L3MBTL4: variants seen among roughly 807,000 people sequenced by gnomAD.
L3MBTL4 encodes the protein L3MBTL histone methyl-lysine binding protein 4, also known as lethal(3)malignant brain tumor-like protein 4.
In L3MBTL4, 70 loss-of-function variants were observed where a neutral mutation model predicts 84.5. The ratio of observed to expected loss-of-function variants is 0.83; its 90% CI spans 0.68 to 1.01. L3MBTL4 has a LOEUF of 1.01. Ranked by LOEUF, L3MBTL4 falls within the 50% of genes least tolerant of loss-of-function variation. L3MBTL4 has a pLI of 0.00. For synonymous variants in L3MBTL4, 274 were observed against 259.8 expected (o/e 1.05, Z -0.52); for missense variants, 715 against 754.8 (o/e 0.95, Z 0.62).
At chr18:5,979,025 C>G (rs1019645298) in intron 16 of L3MBTL4, among the ~76,000 whole-genome samples, 1 of 152,166 alleles carries the variant, frequency 6.6e-6, no homozygotes, top group Non-Finnish European at 1.5e-5. Flanking sequence ...GGCACAGCAC[C>G]TGGTACACAG....
At chr18:6,116,202 C>T (rs913182950) in intron 14 of L3MBTL4, among the ~76,000 whole-genome samples, 2 of 152,228 alleles carry the variant, frequency 1.3e-5, no homozygotes, top group South Asian at 2.1e-4. Context: ...GGTTCAGCAA[C>T]AAGGAGGCTT....
At chr18:6,201,077 C>T (rs1002031963) in intron 12 of L3MBTL4, among the ~76,000 whole-genome samples, 13 of 152,206 alleles carry the variant, frequency 8.5e-5, no homozygotes, top group South Asian at 2.1e-4. Context: ...CAAGAGTACT[C>T]GGGTAATCAA....
chr18:6,145,733 C>T (rs1378176896), intron 13 of L3MBTL4, among the ~76,000 whole-genome samples: 2 of 152,098 alleles, frequency 1.3e-5, no homozygotes, highest in South Asian at 2.1e-4. Context: ...TTATTTTTAA[C>T]ATAAAATTAA....
At chr18:6,092,270 A>G (rs1445920523) in intron 15 of L3MBTL4, among the ~76,000 whole-genome samples, 2 of 152,214 alleles carry the variant, frequency 1.3e-5, no homozygotes, top group African/African-American at 4.8e-5. Context: ...ATAAAAATCC[A>G]CAGTCCAGGA....
At chr18:6,203,198 C>G (rs2045720677) in intron 12 of L3MBTL4, among the ~76,000 whole-genome samples, 3 of 152,122 alleles carry the variant, frequency 2.0e-5, no homozygotes, top group Admixed American at 2.0e-4. Flanking sequence ...TCGAAGAAAA[C>G]AAGTAAACAT....
chr18:6,316,581 GA>G (rs1026802252), intron 1 of L3MBTL4, among the ~76,000 whole-genome samples: 2 of 152,170 alleles, frequency 1.3e-5, no homozygotes, highest in African/African-American at 4.8e-5. Context: ...AGCCTTTCTG[GA>G]ACACTTTAGG....
chr18:6,149,198 C>G (rs917912980), intron 13 of L3MBTL4, among the ~76,000 whole-genome samples: 1 of 115,004 alleles, frequency 8.7e-6, no homozygotes, highest in Non-Finnish European at 1.7e-5. Flanking sequence ...TCCCTCCCCC[C>G]TCCCCCCACC....
At chr18:6,227,707 T>G (rs1402420998) in intron 10 of L3MBTL4, among the ~76,000 whole-genome samples, 2 of 152,160 alleles carry the variant, frequency 1.3e-5, no homozygotes, top group Admixed American at 1.3e-4. Flanking sequence ...AATATGGGTG[T>G]TAAAATCAAT....
intron 13 of L3MBTL4, among the ~76,000 whole-genome samples, chr18:6,145,992 C>A (rs9955536): frequency 6.6e-6 from 1 of 152,006 alleles, no homozygotes; most frequent in Admixed American, 6.6e-5. Context: ...ATTTTTAAGA[C>A]GGGGAGGCAG....
rs115197939 is a variant in L3MBTL4, at chr18:6,029,433, T to A, written c.1444+51448A>T. ...TACCTAGAAACCCAAAATAATTACA[T>A]GAAAAAAATTACAAATTAGAAGAGA... On this transcript the variant is annotated intron_variant, in intron 16 of 18. Coordinates refer to ENST00000317931, the MANE Select transcript of L3MBTL4 (RefSeq NM_001330559.2). The A allele has an allele frequency of 2.6e-3, 2,457 of 956,580 alleles. 49 individuals carry two copies. The African/African-American group carries it at 0.041, about 16-fold the overall frequency. The allele number at this position is 956,580 out of a possible 1,614,324, so 59.3% of individuals were successfully genotyped here.
At chr18:6,055,714 G>A (rs1412800333) in intron 16 of L3MBTL4, among the ~76,000 whole-genome samples, 1 of 152,122 alleles carries the variant, frequency 6.6e-6, no homozygotes, top group African/African-American at 2.4e-5. Flanking sequence ...CTGCAATTTA[G>A]CCAAGCACAA....
chr18:6,351,918 T>G (rs753607763), intron 1 of L3MBTL4, among the ~76,000 whole-genome samples: 4 of 152,008 alleles, frequency 2.6e-5, no homozygotes, highest in Non-Finnish European at 5.9e-5. Flanking sequence ...ACTCCTGGCC[T>G]CAAGCAATCC....
chr18:6,066,303 T>C (rs2057397351), intron 16 of L3MBTL4, among the ~76,000 whole-genome samples: 1 of 152,172 alleles, frequency 6.6e-6, no homozygotes, highest in South Asian at 2.1e-4. Context: ...GAATGCTCCA[T>C]GTGCTGATGA....
intron 4 of L3MBTL4, among the ~76,000 whole-genome samples, chr18:6,265,605 A>G (rs2048594690): frequency 6.6e-6 from 1 of 152,232 alleles, no homozygotes; most frequent in South Asian, 2.1e-4. Context: ...TGGGTTAAGT[A>G]AAAAAACTAA....
intron 16 of L3MBTL4, among the ~76,000 whole-genome samples, chr18:5,981,323 C>T (rs188039145): frequency 1.3e-3 from 194 of 152,244 alleles, no homozygotes; most frequent in African/African-American, 4.6e-3. Flanking sequence ...ATTATTAGAA[C>T]TATGAAAAGT....
intron 1 of L3MBTL4, among the ~76,000 whole-genome samples, chr18:6,367,056 G>A (rs549150471): frequency 5.9e-5 from 9 of 152,186 alleles, no homozygotes; most frequent in Non-Finnish European, 1.3e-4. Flanking sequence ...AGGCCAGGAG[G>A]GGGGCTCCCC....
intron 16 of L3MBTL4, among the ~76,000 whole-genome samples, chr18:5,991,950 G>A (rs1372674524): frequency 6.6e-6 from 1 of 151,284 alleles, no homozygotes; most frequent in Non-Finnish European, 1.5e-5. Context: ...TGTAGCCCTG[G>A]GCTGTGGCTT....
intron 10 of L3MBTL4, among the ~76,000 whole-genome samples, chr18:6,234,596 G>A (rs1333283588): frequency 1.3e-5 from 2 of 152,162 alleles, no homozygotes; most frequent in Non-Finnish European, 2.9e-5. Flanking sequence ...TCAGAGAAAT[G>A]CAAATCAAAA....
intron 14 of L3MBTL4, among the ~76,000 whole-genome samples, chr18:6,099,399 T>C (rs1012968415): frequency 3.3e-5 from 5 of 151,496 alleles, no homozygotes; most frequent in African/African-American, 1.2e-4. Flanking sequence ...TGTTGCTAAT[T>C]TTACCTCTAT....
Sources: gnomAD v4.1 joint callset for allele counts (sites outside exome capture counted in the v4.1 genomes callset) on GRCh38, gnomAD v4.1.1 for gene constraint, MANE v1.5 for transcripts, NCBI Gene and HGNC (gene_info 2026-07-23, HGNC 2026-07-21) for gene names.